The following CDK14 variants were observed in gnomAD, a reference collection of about 807,000 sequenced individuals.
CDK14 encodes the protein cyclin dependent kinase 14, also known as cyclin-dependent kinase 14.
Under a neutral mutation model 60.7 loss-of-function variants are expected in CDK14, and 34 were observed. That is an observed-to-expected ratio of 0.56 (90% CI 0.43 to 0.75). The LOEUF is 0.75. CDK14 is among the 30% of genes least tolerant of loss of function. The pLI is 0.00. For synonymous variants in CDK14, 197 were observed against 203.7 expected, an observed-to-expected ratio of 0.97 and a Z score of 0.28; for missense variants, 482 against 564.1, an observed-to-expected ratio of 0.85 and a Z score of 1.47.
In CDK14 at chr7:90,681,189, A is replaced by G. The variant is rs180864489; in HGVS notation, c.124-45378A>G. On this transcript the variant is annotated intron_variant, in intron 2 of 14. Transcript: ENST00000380050. ...CTTGGTACACACGTTTCAAACTATT[A>G]TATATCGCCTGGCACCAGATGTTTT... 4.7e-3 allele frequency among the ~76,000 whole-genome samples: 712 copies of G among 152,324 alleles called. 4 individuals are homozygous for G. Among genetic ancestry groups the G allele is most frequent in the African/African-American group, 0.016 (676 of 41,560 alleles).
intron 14 of CDK14, among the ~76,000 whole-genome samples, chr7:91,198,846 T>G (rs181749154): frequency 2.0e-5 from 3 of 152,324 alleles, no homozygotes; most frequent in African/African-American, 4.8e-5. Context: ...AGTTTTAATT[T>G]GGAAAAAAGA....
chr7:90,772,948 A>G (rs1229264345), intron 4 of CDK14, among the ~76,000 whole-genome samples: 1 of 152,216 alleles, frequency 6.6e-6, no homozygotes, highest in Non-Finnish European at 1.5e-5. Flanking sequence ...TTTAACTCTG[A>G]ATAGTAAGAT....
At chr7:90,971,423 G>A (rs938911183) in intron 9 of CDK14, among the ~76,000 whole-genome samples, 3 of 152,058 alleles carry the variant, frequency 2.0e-5, no homozygotes, top group African/African-American at 7.2e-5. Context: ...ACTTCTCAAA[G>A]CCATCTTTCC....
intron 10 of CDK14, among the ~76,000 whole-genome samples, chr7:91,011,665 T>A (rs957344132): frequency 3.9e-5 from 6 of 152,152 alleles, no homozygotes; most frequent in African/African-American, 1.2e-4. Flanking sequence ...TGTTTCAGTT[T>A]GAAGCATTTC....
At chr7:90,639,637 G>T (rs1800265533) in intron 2 of CDK14, among the ~76,000 whole-genome samples, 1 of 146,610 alleles carries the variant, frequency 6.8e-6, no homozygotes, top group Admixed American at 6.9e-5. Context: ...CTGCGTGCTG[G>T]GAGAACCACT....
intron 2 of CDK14, among the ~76,000 whole-genome samples, chr7:90,655,622 A>G (rs943555795): frequency 1.3e-5 from 2 of 152,240 alleles, no homozygotes; most frequent in African/African-American, 4.8e-5. Flanking sequence ...TTATAATTGC[A>G]CATGAGCAAC....
chr7:91,170,768 T>TC (rs1234866161), intron 14 of CDK14, among the ~76,000 whole-genome samples: 1 of 148,706 alleles, frequency 6.7e-6, no homozygotes, highest in East Asian at 1.9e-4. Flanking sequence ...TTTTTTTTTT[T>TC]CTTTTTTTTT....
intron 12 of CDK14, among the ~76,000 whole-genome samples, chr7:91,092,119 A>G (rs375276979): frequency 1.3e-5 from 2 of 152,304 alleles, no homozygotes; most frequent in East Asian, 3.9e-4. Context: ...AATCATGCCA[A>G]TTTGGGTTTT....
intron 11 of CDK14, among the ~76,000 whole-genome samples, chr7:91,065,166 C>T (rs1797939408): frequency 6.6e-6 from 1 of 152,118 alleles, no homozygotes; most frequent in African/African-American, 2.4e-5. Flanking sequence ...TTTCCTATAG[C>T]CAGGGCAAGT....
At chr7:90,795,504 TTATG>T (rs1788385163) in intron 5 of CDK14, among the ~76,000 whole-genome samples, 2 of 151,218 alleles carry the variant, frequency 1.3e-5, no homozygotes, top group African/African-American at 4.8e-5. Context: ...ATATTTGAAA[TTATG>T]TATGTGTATC....
chr7:91,126,865 C>T (rs892699311), intron 14 of CDK14, among the ~76,000 whole-genome samples: 2 of 151,828 alleles, frequency 1.3e-5, no homozygotes, highest in African/African-American at 4.8e-5. Context: ...CCATTCCTGC[C>T]TTGGGAGTGA....
chr7:90,907,014 A>G (rs1792730142), intron 7 of CDK14, among the ~76,000 whole-genome samples: 1 of 152,098 alleles, frequency 6.6e-6, no homozygotes, highest in Non-Finnish European at 1.5e-5. Flanking sequence ...ACTAATAACA[A>G]ATGGTTTATT....
chr7:90,728,013 A>T (rs543336576), intron 3 of CDK14, among the ~76,000 whole-genome samples: 4 of 152,258 alleles, frequency 2.6e-5, no homozygotes, highest in African/African-American at 9.6e-5. Context: ...TCTGTCGTTG[A>T]TTACTTGATT....
At chr7:91,034,837 C>A (rs1236965576) in intron 10 of CDK14, among the ~76,000 whole-genome samples, 5 of 152,122 alleles carry the variant, frequency 3.3e-5, no homozygotes, top group Non-Finnish European at 7.3e-5. Context: ...ACTCTAATCT[C>A]TTACCTAGTG....
intron 14 of CDK14, among the ~76,000 whole-genome samples, chr7:91,169,666 A>G (rs1248268303): frequency 6.6e-6 from 1 of 152,140 alleles, no homozygotes. Context: ...AGGTTTTTCT[A>G]CTCTGAAACA....
intron 14 of CDK14, among the ~76,000 whole-genome samples, chr7:91,134,933 C>A (rs1800227761): frequency 6.6e-6 from 1 of 151,966 alleles, no homozygotes; most frequent in African/African-American, 2.4e-5. Context: ...ACAAACATAT[C>A]TTGAGACCCT....
intron 5 of CDK14, among the ~76,000 whole-genome samples, chr7:90,829,780 G>A (rs149809671): frequency 7.9e-5 from 12 of 152,254 alleles, no homozygotes; most frequent in East Asian, 5.8e-4. Flanking sequence ...TGATACACCC[G>A]CCTCGGCCTC....
chr7:91,060,544 G>C (rs1031033485), intron 11 of CDK14, among the ~76,000 whole-genome samples: 5 of 152,116 alleles, frequency 3.3e-5, no homozygotes, highest in Non-Finnish European at 5.9e-5. Context: ...GGTACCGATT[G>C]TTCCTTTCCA....
intron 12 of CDK14, among the ~76,000 whole-genome samples, chr7:91,105,924 T>C (rs1799282725): frequency 1.3e-5 from 2 of 152,128 alleles, no homozygotes; most frequent in African/African-American, 4.8e-5. Context: ...TTAGATGCAA[T>C]TGATTAAATA....
Sources: allele counts gnomAD v4.1 joint callset (sites outside exome capture counted in the v4.1 genomes callset), GRCh38; gene constraint gnomAD v4.1.1; transcripts MANE v1.5; gene names NCBI Gene and HGNC (gene_info 2026-07-23, HGNC 2026-07-21).